The following XRCC4 variants were observed in gnomAD, a reference collection of about 807,000 sequenced individuals.
XRCC4 encodes the protein X-ray repair cross complementing 4.
A neutral mutation model predicts 39.1 loss-of-function variants in XRCC4; 28 were observed. That is an observed-to-expected ratio of 0.72 (90% CI 0.53 to 0.98). XRCC4 has a LOEUF of 0.98. XRCC4 is among the 50% of genes least tolerant of loss of function. XRCC4 has a pLI of 0.00. For missense variants in XRCC4, 350 were observed against 376.4 expected, an observed-to-expected ratio of 0.93 and a Z score of 0.58; for synonymous variants, 123 against 126.4, an observed-to-expected ratio of 0.97 and a Z score of 0.18.
chr5:83,302,393 G>C (rs1368911924), intron 7 of XRCC4, among the ~76,000 whole-genome samples: 1 of 152,236 alleles, frequency 6.6e-6, no homozygotes, highest in Non-Finnish European at 1.5e-5. Flanking sequence ...GAAAAGTGTA[G>C]TGTCTGGGCT....
At chr5:83,243,697 A>C (rs1429115586) in intron 6 of XRCC4, among the ~76,000 whole-genome samples, 1 of 152,190 alleles carries the variant, frequency 6.6e-6, no homozygotes, top group Non-Finnish European at 1.5e-5. Context: ...GGATCAGTTT[A>C]GTGAGAATGA....
At chr5:83,108,536 T>C (rs958311478) in intron 2 of XRCC4, among the ~76,000 whole-genome samples, 2 of 151,876 alleles carry the variant, frequency 1.3e-5, no homozygotes, top group African/African-American at 2.4e-5. Flanking sequence ...AGCACTTGAA[T>C]TTGAGCTCCA....
At chr5:83,108,418 A>G (rs903935999) in intron 2 of XRCC4, among the ~76,000 whole-genome samples, 1 of 151,876 alleles carries the variant, frequency 6.6e-6, no homozygotes, top group African/African-American at 2.4e-5. Flanking sequence ...TTTCTCCTTC[A>G]AAAATTAAAT....
rs570743736 is a variant in XRCC4 at position 83,308,758 on chromosome 5, T to C, written c.894-44373T>C. On this transcript the variant is annotated intron_variant, in intron 7 of 7. Transcript: ENST00000396027. ...TAAAATGTTTCAAACTAACATTTAC[T>C]CTTTATATAATCACAAATCACTCAT... Among the ~76,000 whole-genome samples, 6 of 152,328 alleles carry C rather than the reference T, an allele frequency of 3.9e-5. No individual in the cohort carries two copies. The South Asian group carries it at 1.2e-3, about 32-fold the overall frequency.
At chr5:83,212,083 CACAT>C (rs986174019) in intron 6 of XRCC4, among the ~76,000 whole-genome samples, 1 of 151,836 alleles carries the variant, frequency 6.6e-6, no homozygotes, top group African/African-American at 2.4e-5. Flanking sequence ...TATATATACA[CACAT>C]ACACACATAT....
chr5:83,129,951 C>A (rs1356738236), intron 3 of XRCC4, among the ~76,000 whole-genome samples: 2 of 152,058 alleles, frequency 1.3e-5, no homozygotes, highest in African/African-American at 4.8e-5. Flanking sequence ...TAATTGAATA[C>A]CCTTTATTTC....
At chr5:83,183,583 T>A (rs1412171678) in intron 3 of XRCC4, among the ~76,000 whole-genome samples, 3 of 152,112 alleles carry the variant, frequency 2.0e-5, no homozygotes, top group African/African-American at 4.8e-5. Flanking sequence ...CCAGTTTCTG[T>A]CTGCTTTTGG....
chr5:83,151,992 C>T (rs1025649932), intron 3 of XRCC4, among the ~76,000 whole-genome samples: 20 of 152,280 alleles, frequency 1.3e-4, no homozygotes, highest in African/African-American at 3.4e-4. Context: ...TGCTCCAAAG[C>T]GGAACCATGG....
At chr5:83,101,694 A>G (rs956960149) in intron 1 of XRCC4, among the ~76,000 whole-genome samples, 3 of 152,238 alleles carry the variant, frequency 2.0e-5, no homozygotes, top group East Asian at 3.9e-4. Flanking sequence ...ATACAGGTCT[A>G]TGCCTGAGCT....
At chr5:83,092,496 AT>A (rs79297136) in intron 1 of XRCC4, among the ~76,000 whole-genome samples, 74,038 of 151,960 alleles carry the variant, frequency 0.49, 18,847 homozygotes, top group African/African-American at 0.62. Context: ...CATTCAGAAT[AT>A]TTTTAGGATG....
chr5:83,098,095 TA>T (rs1296444117), intron 1 of XRCC4, among the ~76,000 whole-genome samples: 1 of 152,076 alleles, frequency 6.6e-6, no homozygotes, highest in African/African-American at 2.4e-5. Flanking sequence ...ATGGTATTTG[TA>T]AAAGATAAGC....
At chr5:83,120,376 A>G (rs191007691) in intron 3 of XRCC4, among the ~76,000 whole-genome samples, 13 of 152,320 alleles carry the variant, frequency 8.5e-5, no homozygotes, top group African/African-American at 2.9e-4. Context: ...TACAGTTTTC[A>G]GTATTCATAA....
At position 83,341,920 on chromosome 5, in the gene XRCC4, C is replaced by T. The variant is rs192981073; in HGVS notation, c.894-11211C>T. ...TTCCAAGTCAAATAAAGCAGAGTCC[C>T]CCCAACTGGAGAGGCTTCTAGGCTA... On this transcript the variant is annotated intron_variant, in intron 7 of 7. Coordinates refer to ENST00000396027, the MANE Select transcript of XRCC4 (RefSeq NM_003401.5). Among the ~76,000 whole-genome samples, 51 of 152,250 alleles carry T rather than the reference C, an allele frequency of 3.3e-4. 1 individual carries two copies. In the East Asian group the frequency reaches 9.3e-3, roughly 28 times the overall value.
At chr5:83,245,844 A>G (rs1306253319) in intron 6 of XRCC4, among the ~76,000 whole-genome samples, 1 of 132,598 alleles carries the variant, frequency 7.5e-6, no homozygotes, top group African/African-American at 2.8e-5. Flanking sequence ...CCCCCCCTCC[A>G]TCTGTACTTT....
At chr5:83,199,140 G>T (rs1054145816) in intron 4 of XRCC4, among the ~76,000 whole-genome samples, 3 of 152,046 alleles carry the variant, frequency 2.0e-5, no homozygotes, top group Non-Finnish European at 4.4e-5. Flanking sequence ...TCATCTCTCT[G>T]CCTTCAAGAT....
intron 7 of XRCC4, among the ~76,000 whole-genome samples, chr5:83,332,175 T>C (rs572278934): frequency 4.0e-5 from 6 of 150,426 alleles, no homozygotes; most frequent in Admixed American, 2.0e-4. Flanking sequence ...GAACTTACAA[T>C]TGAAAAATCC....
chr5:83,289,992 C>G (rs1754861608), intron 7 of XRCC4, among the ~76,000 whole-genome samples: 1 of 151,802 alleles, frequency 6.6e-6, no homozygotes, highest in Admixed American at 6.6e-5. Context: ...GAGTTTCTCA[C>G]TCTCATGCTA....
intron 6 of XRCC4, among the ~76,000 whole-genome samples, chr5:83,212,917 A>T (rs536831212): frequency 9.7e-5 from 14 of 144,790 alleles, no homozygotes; most frequent in Non-Finnish European, 2.0e-4. Flanking sequence ...ACAGAATGAG[A>T]TTCCATCTAA....
In XRCC4 at chr5:83,196,913, T is replaced by C. The variant is rs951195434; in HGVS notation, c.482+977T>C. Among the ~76,000 whole-genome samples, 8 of 151,860 alleles carry C rather than the reference T, an allele frequency of 5.3e-5. No individual in the cohort carries two copies. In the East Asian group the frequency reaches 1.2e-3, roughly 22 times the overall value. ...AGTATATGAAAAATGGTGACGATTTTACCACTATCAACATATGTATGTGAA... is the reference window on the plus strand; with the variant it reads ...AGTATATGAAAAATGGTGACGATTTCACCACTATCAACATATGTATGTGAA... On this transcript the variant is annotated intron_variant, in intron 4 of 7. Transcript: ENST00000396027.
Sources: allele counts gnomAD v4.1 joint callset (sites outside exome capture counted in the v4.1 genomes callset), GRCh38; gene constraint gnomAD v4.1.1; transcripts MANE v1.5; gene names NCBI Gene and HGNC (gene_info 2026-07-23, HGNC 2026-07-21).